Variants in AMY2B observed in about 807,000 individuals in gnomAD.
AMY2B encodes alpha-amylase 2B.
AMY2B carries 63 observed loss-of-function variants against 59.3 expected under a neutral mutation model. That is an observed-to-expected ratio of 1.06 (90% CI 0.87 to 1.31). AMY2B has a LOEUF of 1.31. AMY2B is among the 50% of genes most tolerant of loss of function. The pLI is 0.00. For missense variants in AMY2B, 635 were observed against 626.7 expected (o/e 1.01, Z -0.14); for synonymous variants, 180 against 198.1 (o/e 0.91, Z 0.77).
Position 103,577,780 on chromosome 1 carries a change from T to C in AMY2B, c.1281T>C (p.Asn427=), listed in dbSNP as rs781459057. 52 of 1,608,312 alleles carry C rather than the reference T, an allele frequency of 3.2e-5. No homozygotes were observed. Among genetic ancestry groups the C allele is most frequent in the Non-Finnish European group, 4.4e-5 (52 of 1,179,774 alleles). The part of the protein sequence containing the change: ...DGQPFTNWYD[N]GSNQVAFGRG... ...AGCCTTTTACAAACTGGTATGATAA[T>C]GGGAGCAACCAAGTGGCTTTTGGGA... Residue 427 remains asparagine (N), a synonymous_variant, in exon 9 of 10, where the codon AAT becomes AAC. Transcript: ENST00000684275.
chr1:103,579,218 G>T, intron 9 of AMY2B, 93 bp from the exon 10 acceptor site: 1 of 1,606,420 alleles, frequency 6.2e-7, no homozygotes. Context: ...ACTGCTTAGG[G>T]TTCTACAACA....
At chr1:103,575,696 G>T (rs1652325930) in intron 7 of AMY2B, 156 bp downstream of exon 7, 1 of 1,104,544 alleles carries the variant, frequency 9.1e-7, no homozygotes, top group Non-Finnish European at 1.3e-6. Context: ...TTATATTAAA[G>T]GAGTAAAATA....
chr1:103,574,958 T>C (rs942713477), intron 5 of AMY2B, among the ~76,000 whole-genome samples: 7 of 151,118 alleles, frequency 4.6e-5, no homozygotes, highest in African/African-American at 1.5e-4. Context: ...AAGTATTCCA[T>C]ACTTGTATAT....
intron 1 of AMY2B, among the ~76,000 whole-genome samples, chr1:103,564,446 C>A (rs12071389): frequency 0.03 from 4,622 of 152,118 alleles, 255 homozygotes; most frequent in African/African-American, 0.11. Context: ...GTACTCCCTG[C>A]AAATTTTCCT....
upstream of AMY2B, chr1:103,570,289 G>T: frequency 1.7e-6 from 1 of 581,490 alleles, no homozygotes. Context: ...TGATGGCCAT[G>T]TCATCACCAT....
At chr1:103,572,543 G>T (rs1166795670) in intron 2 of AMY2B, among the ~76,000 whole-genome samples, 1 of 152,060 alleles carries the variant, frequency 6.6e-6, no homozygotes, top group Non-Finnish European at 1.5e-5. Flanking sequence ...GAGTTTTCTG[G>T]TTAAGAGTTA....
At chr1:103,577,650 T>C (rs374348321) in intron 8 of AMY2B, 42 bp downstream of exon 8, 3 of 1,611,770 alleles carry the variant, frequency 1.9e-6, no homozygotes, top group African/African-American at 2.7e-5. Flanking sequence ...TAGTAAACTT[T>C]CCATTGCATT....
intron 2 of AMY2B, among the ~76,000 whole-genome samples, chr1:103,572,607 A>C (rs1652179976): frequency 6.6e-6 from 1 of 152,192 alleles, no homozygotes. Flanking sequence ...ATCTCCATCC[A>C]TAATTCCTGG....
intron 1 of AMY2B, among the ~76,000 whole-genome samples, chr1:103,556,164 A>G (rs1172439655): frequency 6.6e-6 from 1 of 152,204 alleles, no homozygotes; most frequent in Non-Finnish European, 1.5e-5. Flanking sequence ...CCAGGAATGT[A>G]GGAAAGTAAA....
At chr1:103,565,143 G>A (rs958206501) in intron 1 of AMY2B, 5 of 152,280 alleles carry the variant, frequency 3.3e-5, no homozygotes, top group African/African-American at 9.6e-5. Flanking sequence ...ATAGTACCAA[G>A]CCTTTTGCAG....
At chr1:103,574,066 C>T (rs1001017611) in intron 4 of AMY2B, 128 bp downstream of exon 4, 2 of 1,535,940 alleles carry the variant, frequency 1.3e-6, no homozygotes, top group East Asian at 2.4e-5. Context: ...GTTCTTTAAC[C>T]TCCTCTTCAC....
At chr1:103,574,079 AC>A in intron 4 of AMY2B, 141 bp downstream of exon 4, 1 of 1,511,076 alleles carries the variant, frequency 6.6e-7, no homozygotes, top group South Asian at 1.3e-5. Context: ...CTCTTCACAT[AC>A]AGCATATCTA....
chr1:103,565,206 A>C (rs1166198231), intron 1 of AMY2B: 1 of 152,246 alleles, frequency 6.6e-6, no homozygotes. Context: ...CATGGATACC[A>C]AAATCTACAG....
At chr1:103,573,385 T>A in intron 3 of AMY2B, 125 bp downstream of exon 3, 1 of 1,497,412 alleles carries the variant, frequency 6.7e-7, no homozygotes, top group Non-Finnish European at 9.0e-7. Flanking sequence ...GTTAACAGGT[T>A]TGACTACTTT....
upstream of AMY2B, chr1:103,569,658 G>A: frequency 2.6e-6 from 1 of 388,516 alleles, no homozygotes; most frequent in Non-Finnish European, 5.2e-6. Flanking sequence ...TCCATCATCG[G>A]TGCCCCCGGC....
At chr1:103,577,314 T>C (rs1652397300) in intron 7 of AMY2B, 176 bp from the exon 8 acceptor site, 5 of 1,195,228 alleles carry the variant, frequency 4.2e-6, no homozygotes, top group Non-Finnish European at 5.9e-6. Context: ...AACCAGAGGA[T>C]AGAGAGATGA....
chr1:103,568,858 T>C (rs1435569597), upstream of AMY2B: 1 of 151,928 alleles, frequency 6.6e-6, no homozygotes, highest in Admixed American at 6.6e-5. Context: ...TGTATATATA[T>C]ATGTTTGTTC....
intron 1 of AMY2B, among the ~76,000 whole-genome samples, chr1:103,558,485 A>G (rs1453666053): frequency 1.3e-5 from 2 of 152,200 alleles, no homozygotes; most frequent in Admixed American, 1.3e-4. Context: ...TATTGGAATG[A>G]ACTTGTTCAA....
intron 1 of AMY2B, among the ~76,000 whole-genome samples, chr1:103,557,487 A>G (rs1234332250): frequency 6.6e-6 from 1 of 152,042 alleles, no homozygotes; most frequent in African/African-American, 2.4e-5. Context: ...CCTCGTCTCT[A>G]CTAAAAATAC....
Sources: gnomAD v4.1 joint callset for allele counts (sites outside exome capture counted in the v4.1 genomes callset) on GRCh38, gnomAD v4.1.1 for gene constraint, MANE v1.5 for transcripts, NCBI Gene and HGNC (gene_info 2026-07-23, HGNC 2026-07-21) for gene names.